SPEF2: variants seen among roughly 807,000 people sequenced by gnomAD.
The protein encoded by SPEF2 is sperm flagella and cilia-associated protein 2.
Under a neutral mutation model 224.6 loss-of-function variants are expected in SPEF2, and 187 were observed. That is an observed-to-expected ratio of 0.83 (90% CI 0.74 to 0.94). The LOEUF (loss-of-function observed/expected upper bound fraction) is 0.94, where lower values mean the gene tolerates loss of function less well. SPEF2 is among the 40% of genes least tolerant of loss of function. The pLI, the probability that SPEF2 is intolerant of heterozygous loss-of-function variation, is 0.00. For synonymous variants in SPEF2, 715 were observed against 707.3 expected (o/e 1.01, Z -0.17); for missense variants, 2,170 against 2,135.6 (o/e 1.02, Z -0.32).
chr5:35,804,816 C>G (rs993849923), intron 34 of SPEF2, among the ~76,000 whole-genome samples: 1 of 152,194 alleles, frequency 6.6e-6, no homozygotes, highest in Non-Finnish European at 1.5e-5. Context: ...CAGGTTCCTT[C>G]TTTGCTTAAT....
intron 15 of SPEF2, chr5:35,698,473 C>A (rs1463947939): frequency 1.3e-5 from 2 of 152,156 alleles, no homozygotes; most frequent in Non-Finnish European, 2.9e-5. Flanking sequence ...CCAGAAGTGG[C>A]GATAAAGCAT....
intron 20 of SPEF2, among the ~76,000 whole-genome samples, chr5:35,717,206 T>G (rs7725060): frequency 0.75 from 114,186 of 151,980 alleles, 43,252 homozygotes; most frequent in Middle Eastern, 0.83. Context: ...TTTTTTTCTA[T>G]AACAATGTGC....
intron 36 of SPEF2, chr5:35,807,964 G>C (rs1580811932): frequency 7.3e-7 from 1 of 1,374,152 alleles, no homozygotes; most frequent in Non-Finnish European, 9.4e-7. Context: ...AAGTCTCCCT[G>C]TTTGACTCCT....
chr5:35,641,674 T>C lies in SPEF2; in HGVS notation c.405T>C (p.Thr135=), dbSNP rs1318036945. Residue 135 remains threonine (T), a synonymous_variant, in exon 3 of 37, where the codon ACT becomes ACC. Coordinates refer to ENST00000356031, the MANE Select transcript of SPEF2 (RefSeq NM_024867.4). ...NLRLQNMKSD[T]FQERLRHMIP... is the part of the protein sequence containing the mutation. Reference sequence around the variant, plus strand: ...GACTTCAAAACATGAAAAGTGATACTTTTCAAGAGGTAGGTACATAAAAAA... The same window carrying C: ...GACTTCAAAACATGAAAAGTGATACCTTTCAAGAGGTAGGTACATAAAAAA... 3 of 1,612,522 alleles carry C rather than the reference T, an allele frequency of 1.9e-6. No homozygotes were observed. The African/African-American group carries it at 4.0e-5, about 22-fold the overall frequency.
chr5:35,624,462 A>G (rs1321211546), intron 1 of SPEF2, among the ~76,000 whole-genome samples: 1 of 152,164 alleles, frequency 6.6e-6, no homozygotes, highest in Non-Finnish European at 1.5e-5. Context: ...TAGTTTATAG[A>G]GGTGGGTGTC....
intron 1 of SPEF2, among the ~76,000 whole-genome samples, chr5:35,620,901 A>T (rs1175225410): frequency 6.6e-6 from 1 of 152,220 alleles, no homozygotes; most frequent in Non-Finnish European, 1.5e-5. Flanking sequence ...CTATTGACTT[A>T]CACATGAATT....
At chr5:35,703,815 A>G (rs1739189335) in intron 16 of SPEF2, among the ~76,000 whole-genome samples, 1 of 152,182 alleles carries the variant, frequency 6.6e-6, no homozygotes, top group African/African-American at 2.4e-5. Context: ...TTCTGTTATG[A>G]ATGGAGATGA....
rs1750362916 is a variant in SPEF2 at position 35,755,859 on chromosome 5, C to T, written c.3468+2098C>T. 2.0e-5 allele frequency among the ~76,000 whole-genome samples: 3 copies of T among 152,284 alleles called. No homozygotes were observed. In the South Asian group the frequency reaches 6.2e-4, roughly 32 times the overall value. On this transcript the variant is annotated intron_variant, in intron 24 of 36. Transcript: ENST00000356031. ...TCCTGACCTCAGGTGATCCATCCGC[C>T]TCGGCCTCCCAAAGTGCTGGGATTA...
intron 32 of SPEF2, 31 bp downstream of exon 32, chr5:35,793,372 C>T: frequency 1.3e-6 from 2 of 1,597,254 alleles, no homozygotes; most frequent in Non-Finnish European, 1.7e-6. Flanking sequence ...GCATTGATAA[C>T]ACCAGAACAC....
chr5:35,805,378 C>T (rs150524335), intron 34 of SPEF2, among the ~76,000 whole-genome samples: 2 of 152,260 alleles, frequency 1.3e-5, no homozygotes, highest in East Asian at 3.9e-4. Context: ...TAATTTTATG[C>T]TGCATCATAA....
At chr5:35,656,687 A>G (rs1239850951) in intron 7 of SPEF2, among the ~76,000 whole-genome samples, 2 of 152,112 alleles carry the variant, frequency 1.3e-5, no homozygotes, top group Non-Finnish European at 2.9e-5. Flanking sequence ...TTCTTTCTAG[A>G]TTTCCTCACT....
chr5:35,648,631 A>G (rs1305223362), intron 5 of SPEF2, among the ~76,000 whole-genome samples: 1 of 152,180 alleles, frequency 6.6e-6, no homozygotes, highest in East Asian at 1.9e-4. Context: ...TGGCCTGATT[A>G]AAGTTTTTTA....
chr5:35,780,711 TA>T (rs1754222742), intron 30 of SPEF2, among the ~76,000 whole-genome samples: 1 of 151,916 alleles, frequency 6.6e-6, no homozygotes, highest in Non-Finnish European at 1.5e-5. Flanking sequence ...ACACATAAAA[TA>T]AAAAGATAAG....
At chr5:35,671,321 G>A in intron 10 of SPEF2, 1 of 958,240 alleles carries the variant, frequency 1.0e-6, no homozygotes, top group Non-Finnish European at 1.2e-6. Context: ...AAAAATATGA[G>A]ATTATGAGAA....
chr5:35,807,256 G>T lies in SPEF2; in HGVS notation c.5379+3G>T, dbSNP rs376324413. ...ATTATTCAGACTATAAGTTTCCTGT[G>T]AGTATTACCCCAAAGTGCTCTAATT... On this transcript the variant is annotated splice_donor_region_variant and intron_variant, in intron 36 of 36. Coordinates refer to ENST00000356031, the MANE Select transcript of SPEF2 (RefSeq NM_024867.4). The T allele has an allele frequency of 2.7e-5, 44 of 1,610,626 alleles. No individual in the cohort carries two copies. Among genetic ancestry groups the T allele is most frequent in the Non-Finnish European group, 3.4e-5 (40 of 1,179,268 alleles).
chr5:35,729,756 T>C (rs901900254), intron 21 of SPEF2, among the ~76,000 whole-genome samples: 1 of 152,142 alleles, frequency 6.6e-6, no homozygotes, highest in Non-Finnish European at 1.5e-5. Context: ...GGGGAGATAA[T>C]TGAATCATAG....
intron 30 of SPEF2, among the ~76,000 whole-genome samples, chr5:35,785,228 TG>T (rs1297849219): frequency 2.6e-5 from 4 of 152,136 alleles, no homozygotes; most frequent in Admixed American, 1.3e-4. Context: ...CTTCCTTCAA[TG>T]GGTGAATTCT....
chr5:35,618,103 C>T, intron 1 of SPEF2, 48 bp downstream of exon 1: 2 of 1,544,612 alleles, frequency 1.3e-6, no homozygotes, highest in African/African-American at 1.4e-5. Context: ...TAGCGGGGCG[C>T]AGAGCCTGCA....
chr5:35,659,329 A>G (rs1749388980), intron 8 of SPEF2, 122 bp downstream of exon 8: 3 of 924,748 alleles, frequency 3.2e-6, no homozygotes, highest in East Asian at 5.4e-5. Flanking sequence ...TGTATGATCA[A>G]CCTGTTATCT....
Sources: gnomAD v4.1 joint callset for allele counts (sites outside exome capture counted in the v4.1 genomes callset) on GRCh38, gnomAD v4.1.1 for gene constraint, MANE v1.5 for transcripts, NCBI Gene and HGNC (gene_info 2026-07-23, HGNC 2026-07-21) for gene names.